Variants in SHISA6 observed in about 807,000 individuals in gnomAD.
The protein encoded by SHISA6 is shisa family member 6, also known as protein shisa-6.
In SHISA6, 22 loss-of-function variants were observed where a neutral mutation model predicts 47.9. That is an observed-to-expected ratio of 0.46 (90% CI 0.33 to 0.66). The LOEUF (loss-of-function observed/expected upper bound fraction) is 0.66. Ranked by LOEUF, SHISA6 falls within the 30% of genes least tolerant of loss-of-function variation. The pLI is 0.02. For missense variants in SHISA6, 680 were observed against 764.6 expected (o/e 0.89, Z 1.30); for synonymous variants, 388 against 337.8 (o/e 1.15, Z -1.63).
chr17:11,460,485 G>A (rs1032897493), intron 3 of SHISA6, among the ~76,000 whole-genome samples: 2 of 152,158 alleles, frequency 1.3e-5, no homozygotes, highest in African/African-American at 2.4e-5. Context: ...TCCACCTCCC[G>A]GGTGCAAGCG....
At position 11,411,195 on chromosome 17, in the gene SHISA6, C is replaced by T. The variant is rs750830203; in HGVS notation, c.895+31686C>T. 4.6e-5 allele frequency among the ~76,000 whole-genome samples: 7 copies of T among 152,196 alleles called. No individual in the cohort carries two copies. In the South Asian group the frequency reaches 6.2e-4, roughly 14 times the overall value. ...CTGTTAGCCCGGTTGGTCTCGATCT[C>T]GTGACCTCGTGATCTGCCCACCTCG... On this transcript the variant is annotated intron_variant, in intron 3 of 5. Transcript: ENST00000441885.
At chr17:11,497,820 C>T (rs2071420701) in intron 3 of SHISA6, among the ~76,000 whole-genome samples, 1 of 152,122 alleles carries the variant, frequency 6.6e-6, no homozygotes, top group Non-Finnish European at 1.5e-5. Flanking sequence ...AATACTGGCT[C>T]AGACACCTCC....
chr17:11,431,001 A>G (rs1209524288), intron 3 of SHISA6, among the ~76,000 whole-genome samples: 1 of 152,148 alleles, frequency 6.6e-6, no homozygotes, highest in Non-Finnish European at 1.5e-5. Flanking sequence ...GTCTCCCCTC[A>G]CTGGGCTGGG....
chr17:11,332,639 T>C (rs1454106348), intron 2 of SHISA6, among the ~76,000 whole-genome samples: 1 of 152,196 alleles, frequency 6.6e-6, no homozygotes, highest in Non-Finnish European at 1.5e-5. Flanking sequence ...TGTCTCCTTT[T>C]GTGCAGACTA....
intron 2 of SHISA6, among the ~76,000 whole-genome samples, chr17:11,267,729 A>G (rs1490732379): frequency 2.0e-5 from 3 of 152,148 alleles, no homozygotes; most frequent in African/African-American, 7.2e-5. Context: ...GGCTAGGCAG[A>G]GTGAGTGTGG....
intron 2 of SHISA6, among the ~76,000 whole-genome samples, chr17:11,350,182 A>ATTTATTTTTTTTTTT (rs964679787): frequency 4.3e-5 from 5 of 116,268 alleles, no homozygotes; most frequent in African/African-American, 6.7e-5. Flanking sequence ...TTATTTATTT[A>ATTTATTTTTTTTTTT]TTTTTTTTTT....
At chr17:11,490,225 C>T (rs1018836989) in intron 3 of SHISA6, among the ~76,000 whole-genome samples, 3 of 152,120 alleles carry the variant, frequency 2.0e-5, no homozygotes, top group African/African-American at 4.8e-5. Flanking sequence ...CGTGGGGCTG[C>T]AGAGTACCCG....
intron 5 of SHISA6, among the ~76,000 whole-genome samples, chr17:11,557,362 G>T (rs1280781012): frequency 6.6e-6 from 1 of 152,112 alleles, no homozygotes; most frequent in East Asian, 1.9e-4. Flanking sequence ...GGACCAGGCG[G>T]AGTTCAGGGA....
chr17:11,372,462 G>A (rs1432783629), intron 2 of SHISA6, among the ~76,000 whole-genome samples: 1 of 151,918 alleles, frequency 6.6e-6, no homozygotes, highest in Non-Finnish European at 1.5e-5. Context: ...TTTGCTTTGT[G>A]TTTTCTTAAT....
At chr17:11,453,376 C>G (rs1306682667) in intron 3 of SHISA6, among the ~76,000 whole-genome samples, 2 of 152,182 alleles carry the variant, frequency 1.3e-5, no homozygotes, top group Non-Finnish European at 2.9e-5. Context: ...TGCCCTATTC[C>G]CCTCACTCAA....
chr17:11,418,311 C>T (rs1449303261), intron 3 of SHISA6, among the ~76,000 whole-genome samples: 1 of 152,156 alleles, frequency 6.6e-6, no homozygotes, highest in East Asian at 1.9e-4. Flanking sequence ...GTCATGTTAT[C>T]ATGGTGGATA....
chr17:11,391,378 C>T (rs1913381928), intron 3 of SHISA6, among the ~76,000 whole-genome samples: 1 of 152,138 alleles, frequency 6.6e-6, no homozygotes, highest in East Asian at 1.9e-4. Context: ...GGGTTGGAGG[C>T]ACAAAAATGT....
At chr17:11,320,358 TATAAG>T (rs1316732887) in intron 2 of SHISA6, among the ~76,000 whole-genome samples, 1 of 151,820 alleles carries the variant, frequency 6.6e-6, no homozygotes, top group Non-Finnish European at 1.5e-5. Context: ...GTGGGGCTGG[TATAAG>T]AGAGAGAGAG....
chr17:11,245,889 A>G (rs1907563495), intron 1 of SHISA6, among the ~76,000 whole-genome samples: 2 of 152,044 alleles, frequency 1.3e-5, no homozygotes, highest in South Asian at 4.2e-4. Flanking sequence ...ACTTTGTTCT[A>G]CTCTTTCTCC....
At chr17:11,432,551 C>A (rs1914811006) in intron 3 of SHISA6, among the ~76,000 whole-genome samples, 1 of 152,166 alleles carries the variant, frequency 6.6e-6, no homozygotes, top group African/African-American at 2.4e-5. Flanking sequence ...GCAATGGTAA[C>A]TGACCCTGCC....
intron 2 of SHISA6, among the ~76,000 whole-genome samples, chr17:11,377,446 T>C (rs911485688): frequency 9.2e-5 from 14 of 152,022 alleles, no homozygotes; most frequent in Non-Finnish European, 1.6e-4. Context: ...CTTCTCAGAG[T>C]GTGGTCCCCA....
chr17:11,375,679 G>A (rs545522560), intron 2 of SHISA6, among the ~76,000 whole-genome samples: 2 of 152,270 alleles, frequency 1.3e-5, no homozygotes, highest in South Asian at 4.1e-4. Context: ...GCTTGAATCT[G>A]CCTCCTGCCT....
At chr17:11,264,744 G>A (rs750563829) in intron 2 of SHISA6, among the ~76,000 whole-genome samples, 3 of 152,290 alleles carry the variant, frequency 2.0e-5, no homozygotes, top group Non-Finnish European at 4.4e-5. Flanking sequence ...GTGCTGATGA[G>A]ACCAAATTTA....
chr17:11,435,819 G>T (rs558421243), intron 3 of SHISA6, among the ~76,000 whole-genome samples: 3 of 152,090 alleles, frequency 2.0e-5, no homozygotes, highest in Non-Finnish European at 2.9e-5. Flanking sequence ...TGGTGTTAAG[G>T]TGCCTCCATG....
Sources: gnomAD v4.1 joint callset for allele counts (sites outside exome capture counted in the v4.1 genomes callset) on GRCh38, gnomAD v4.1.1 for gene constraint, MANE v1.5 for transcripts, NCBI Gene and HGNC (gene_info 2026-07-23, HGNC 2026-07-21) for gene names.